The following BEST3 variants were observed in gnomAD, a reference collection of about 807,000 sequenced individuals.
The protein encoded by BEST3 is bestrophin 3, also known as bestrophin-3.
BEST3 carries 50 observed loss-of-function variants against 47.1 expected under a neutral mutation model. The observed-to-expected ratio is 1.06, with a 90% CI of 0.85 to 1.34. The LOEUF (loss-of-function observed/expected upper bound fraction) is 1.34. BEST3 is among the 40% of genes most tolerant of loss of function. The pLI is 0.00. For synonymous variants in BEST3, 282 were observed against 298.8 expected (o/e 0.94, Z 0.58); for missense variants, 765 against 817.0 (o/e 0.94, Z 0.78).
chr12:69,655,004 C>T lies in BEST3; in HGVS notation c.1910G>A (p.Arg637Gln), dbSNP rs377614110. The change falls in exon 10 of 10, where the codon CGA becomes CAA. Residue 637 changes from arginine to glutamine, a missense_variant. Physicochemically the swap from Arg to Gln is conservative, Grantham distance 43. Transcript: ENST00000330891. ...ISGINIVAGS[R>Q]VSSDMLYLME... The stretch of plus-strand genomic sequence containing the variant: ...TAAATACAGCATATCAGAAGAGACT[C>T]GAGAGCCAGCCACAATGTTGATCCC... 43 of 1,614,006 alleles carry T rather than the reference C, an allele frequency of 2.7e-5. No individual in the cohort carries two copies. The highest frequency in any genetic ancestry group is 3.2e-5 in the Non-Finnish European group (38 of 1,179,988).
Position 69,697,782 on chromosome 12 carries a change from G to A in BEST3, c.17C>T (p.Ser6Phe). The A allele has an allele frequency of 6.2e-7, 1 of 1,607,186 alleles. No individual in the cohort carries two copies. The change falls in exon 2 of 10, where the codon TCC becomes TTC. Residue 6 changes from serine (S) to phenylalanine (F), a missense_variant. Transcript: ENST00000330891. ...AAAAGTTGCATTTGCTACTTTACTG[G>A]AGTAAGTGACAGTCATCTTGGATAG... MTVTYSSKVANATFFG... is the reference protein window; with the variant it reads MTVTYFSKVANATFFG...
chr12:69,666,603 G>C (rs1418355183), intron 9 of BEST3, among the ~76,000 whole-genome samples: 1 of 152,074 alleles, frequency 6.6e-6, no homozygotes, highest in African/African-American at 2.4e-5. Flanking sequence ...CACCCTTTCA[G>C]TAATAGTATT....
intron 9 of BEST3, among the ~76,000 whole-genome samples, chr12:69,663,748 G>A (rs772440732): frequency 2.0e-5 from 3 of 152,164 alleles, no homozygotes; most frequent in Non-Finnish European, 4.4e-5. Context: ...TTGAGCCTAG[G>A]AGTTCGAGGC....
At chr12:69,645,202 A>T (rs906797229) in intron 9 of BEST3, among the ~76,000 whole-genome samples, 2 of 152,176 alleles carry the variant, frequency 1.3e-5, no homozygotes, top group African/African-American at 4.8e-5. Flanking sequence ...TTATTATAAT[A>T]TTACCACACA....
chr12:69,694,268 C>G, intron 3 of BEST3, 102 bp downstream of exon 3: 1 of 726,246 alleles, frequency 1.4e-6, no homozygotes, highest in Non-Finnish European at 2.2e-6. Context: ...GGTGGCTTTT[C>G]AGGCATGCCT....
At position 69,693,823 on chromosome 12, in the gene BEST3, G is replaced by A. The variant is rs1462188601; in HGVS notation, c.332C>T (p.Ser111Phe). Residue 111 changes from serine to phenylalanine, a missense_variant, in exon 4 of 10, where the codon TCT becomes TTT. Physicochemically the swap from Ser to Phe is radical, Grantham distance 155 (BLOSUM62 -2). Coordinates refer to ENST00000330891, the MANE Select transcript of BEST3 (RefSeq NM_032735.3). Reference protein sequence around the residue: ...PWPDRLMFLISSSVHGSDEHG... With the variant: ...PWPDRLMFLIFSSVHGSDEHG... Reference sequence around the variant, plus strand: ...CTCGTCGCTTCCGTGAACACTGCTAGAGATGAGGAACATTAGCCTGTCTGG... The same window carrying A: ...CTCGTCGCTTCCGTGAACACTGCTAAAGATGAGGAACATTAGCCTGTCTGG... The A allele has an allele frequency of 1.2e-6, 2 of 1,614,036 alleles. No homozygotes were observed. The highest frequency in any genetic ancestry group is 1.7e-6 in the Non-Finnish European group (2 of 1,180,022).
rs1883287734 is a variant in BEST3, at chr12:69,653,657, A to G, written c.*1250T>C. ...CTAAAGCCATATGTAGTCAAGTGCC[A>G]TCATATGACAAATGGTAAGTGCAGC... On this transcript the variant is annotated 3_prime_UTR_variant, in exon 10 of 10. Coordinates refer to ENST00000330891, the MANE Select transcript of BEST3 (RefSeq NM_032735.3). 5.1e-6 allele frequency: 5 copies of G among 985,308 alleles called. No homozygotes were observed. The highest frequency in any genetic ancestry group is 1.7e-5 in the African/African-American group (1 of 57,230). The allele number at this position is 985,308 out of a possible 1,614,324, so 61.0% of individuals were successfully genotyped here. A position where few individuals can be genotyped will look rare whatever the true frequency, so the allele number is the denominator to read the frequency against.
At chr12:69,644,534 ATAAG>A (rs1191257819) in intron 9 of BEST3, among the ~76,000 whole-genome samples, 5 of 152,196 alleles carry the variant, frequency 3.3e-5, no homozygotes, top group Non-Finnish European at 5.9e-5. Context: ...TTTTATGAGA[ATAAG>A]TAACTCTATT....
chr12:69,665,726 C>T (rs1340179062), intron 9 of BEST3, among the ~76,000 whole-genome samples: 1 of 152,188 alleles, frequency 6.6e-6, no homozygotes, highest in Non-Finnish European at 1.5e-5. Flanking sequence ...ACCAGAGTCC[C>T]TGTCTCTTAG....
intron 4 of BEST3, among the ~76,000 whole-genome samples, chr12:69,681,805 G>C (rs1002781240): frequency 5.9e-5 from 9 of 152,128 alleles, no homozygotes; most frequent in African/African-American, 2.2e-4. Flanking sequence ...TGGCAGCAAG[G>C]CGTGGTGGCT....
At chr12:69,678,327 G>C (rs1047786085) in intron 5 of BEST3, among the ~76,000 whole-genome samples, 8 of 151,828 alleles carry the variant, frequency 5.3e-5, no homozygotes, top group Non-Finnish European at 1.2e-4. Context: ...GCTTAACCTC[G>C]CGATATTCCA....
intron 9 of BEST3, among the ~76,000 whole-genome samples, chr12:69,659,462 T>A (rs1883734049): frequency 6.6e-6 from 1 of 152,204 alleles, no homozygotes; most frequent in Non-Finnish European, 1.5e-5. Context: ...AAAGTGATCA[T>A]CCCACCTTAG....
At chr12:69,666,319 G>A (rs775502) in intron 9 of BEST3, among the ~76,000 whole-genome samples, 75,324 of 152,034 alleles carry the variant, frequency 0.5, 18,830 homozygotes, top group Admixed American at 0.63. Flanking sequence ...TGTCTGGCCC[G>A]GTTTGAATTT....
chr12:69,699,293 C>A lies in BEST3; in HGVS notation c.-104G>T. 6.1e-6 allele frequency: 6 copies of A among 985,400 alleles called. No individual in the cohort carries two copies. Among genetic ancestry groups the A allele is most frequent in the Non-Finnish European group, 7.2e-6 (6 of 829,938 alleles). The allele number at this position is 985,400 out of a possible 1,614,324, so 61.0% of individuals were successfully genotyped here. A position where few individuals can be genotyped will look rare whatever the true frequency, so the allele number is the denominator to read the frequency against. On this transcript the variant is annotated 5_prime_UTR_variant, in exon 1 of 10. Coordinates refer to ENST00000330891, the MANE Select transcript of BEST3 (RefSeq NM_032735.3). ...GAGGTGCCTTCAGGTCGGTGCTGCA[C>A]GCCCGGTGTCACCCTTCGCTCGTGC... is the stretch of plus-strand genomic sequence containing the variant.
At chr12:69,687,754 A>G (rs1400826251) in intron 4 of BEST3, among the ~76,000 whole-genome samples, 1 of 152,212 alleles carries the variant, frequency 6.6e-6, no homozygotes, top group African/African-American at 2.4e-5. Flanking sequence ...ACTCTTATGA[A>G]CTACTAAATA....
Position 69,654,942 on chromosome 12 carries a change from C to T in BEST3, c.1972G>A (p.Glu658Lys). 6.2e-7 allele frequency: 1 copy of T among 1,613,886 alleles called. No homozygotes were observed. The highest frequency in any genetic ancestry group is 8.5e-7 in the Non-Finnish European group (1 of 1,179,870). ...NLDTKETDII[E>K]LNKETEESPK ...GATTCCTCAGTTTCCTTGTTCAGCT[C>T]TATGATATCTGTTTCCTTGGTGTCC... Residue 658 changes from glutamate (E) to lysine (K), a missense_variant, in exon 10 of 10, where the codon GAG (glutamate) becomes AAG (lysine). Glu to Lys is a moderately conservative substitution (Grantham distance 56). Coordinates refer to ENST00000330891, the MANE Select transcript of BEST3 (RefSeq NM_032735.3).
At chr12:69,662,241 A>G (rs1214736184) in intron 9 of BEST3, among the ~76,000 whole-genome samples, 1 of 152,212 alleles carries the variant, frequency 6.6e-6, no homozygotes, top group African/African-American at 2.4e-5. Flanking sequence ...ATGTTCCCAG[A>G]ATACACTTTT....
rs1408620655 is a variant in BEST3 at position 69,654,246 on chromosome 12, AC to A, written c.*660del. ...GACAGATTACTAGAAAAGCAGCACA[AC>A]CAGGGAGAAGGGAAGGGAAAAAAAG... On this transcript the variant is annotated 3_prime_UTR_variant, in exon 10 of 10. Coordinates refer to ENST00000330891, the MANE Select transcript of BEST3 (RefSeq NM_032735.3). 4 of 985,066 alleles carry A rather than the reference AC, an allele frequency of 4.1e-6. No homozygotes were observed. The African/African-American group carries it at 7.0e-5, about 17-fold the overall frequency. 61.0% of individuals were successfully genotyped at this position (985,066 alleles called of 1,614,324 possible).
intron 4 of BEST3, chr12:69,683,480 T>C (rs1304152067): frequency 6.6e-6 from 1 of 152,206 alleles, no homozygotes; most frequent in African/African-American, 2.4e-5. Flanking sequence ...TGCCTCCCAT[T>C]CTATTAAAGT....
Sources: allele counts gnomAD v4.1 joint callset (sites outside exome capture counted in the v4.1 genomes callset), GRCh38; gene constraint gnomAD v4.1.1; transcripts MANE v1.5; gene names NCBI Gene and HGNC (gene_info 2026-07-23, HGNC 2026-07-21).